Variants in KLF12 observed in about 807,000 individuals in gnomAD.
KLF12 encodes KLF transcription factor 12.
In KLF12, 9 loss-of-function variants were observed where a neutral mutation model predicts 37.8. The observed-to-expected ratio is 0.24, with a 90% CI of 0.14 to 0.42. The LOEUF is 0.42. Ranked by LOEUF, KLF12 falls within the 10% of genes least tolerant of loss-of-function variation. KLF12 has a pLI of 1.00. For synonymous variants in KLF12, 208 were observed against 202.1 expected (o/e 1.03, Z -0.25); for missense variants, 411 against 516.0 (o/e 0.80, Z 1.97).
At chr13:74,045,560 A>C (rs550723471) in intron 1 of KLF12, among the ~76,000 whole-genome samples, 70 of 152,178 alleles carry the variant, frequency 4.6e-4, no homozygotes, top group Non-Finnish European at 8.5e-4. Flanking sequence ...AGATCTGAAT[A>C]AAGTACAGTA....
chr13:74,305,671 G>A, the KLF12 span, among the ~76,000 whole-genome samples: 2 of 151,916 alleles, frequency 1.3e-5, no homozygotes, highest in East Asian at 1.9e-4. Flanking sequence ...TCGTCTCCCC[G>A]AAAATATCTC....
the KLF12 span, among the ~76,000 whole-genome samples, chr13:74,200,627 G>C: frequency 2.0e-5 from 3 of 152,038 alleles, no homozygotes; most frequent in African/African-American, 7.2e-5. Context: ...GACTCACTCA[G>C]ATCTTTCTGA....
At chr13:74,049,372 A>G (rs781305641) in intron 1 of KLF12, among the ~76,000 whole-genome samples, 5 of 152,204 alleles carry the variant, frequency 3.3e-5, no homozygotes, top group Non-Finnish European at 7.3e-5. Context: ...AAGCCTAAAG[A>G]CAGTTCCTGC....
At position 73,991,514 on chromosome 13, in the gene KLF12, C is replaced by T. The variant is rs577684314; in HGVS notation, c.33+3476G>A. Among the ~76,000 whole-genome samples, 5 of 152,272 alleles carry T rather than the reference C, an allele frequency of 3.3e-5. No homozygotes were observed. The South Asian group carries it at 1.0e-3, about 32-fold the overall frequency. On this transcript the variant is annotated intron_variant, in intron 2 of 7. Coordinates refer to ENST00000377669, the MANE Select transcript of KLF12 (RefSeq NM_007249.5). ...CTTTTAGAACTTGACAGTTTTAAAC[C>T]TTTTTCACAAGAATGTCCTTTTTTC...
chr13:73,723,988 C>G (rs1332640907), intron 6 of KLF12, among the ~76,000 whole-genome samples: 10 of 152,174 alleles, frequency 6.6e-5, no homozygotes, highest in African/African-American at 2.2e-4. Flanking sequence ...GTGGTGATTA[C>G]TCAAGGATCT....
chr13:74,043,217 A>G (rs571942977), intron 1 of KLF12, among the ~76,000 whole-genome samples: 2 of 152,232 alleles, frequency 1.3e-5, no homozygotes, highest in African/African-American at 4.8e-5. Context: ...AAATAAAGAC[A>G]GTAATCCTTT....
chr13:73,779,206 C>A (rs1227503579), intron 5 of KLF12, among the ~76,000 whole-genome samples: 1 of 152,048 alleles, frequency 6.6e-6, no homozygotes, highest in Non-Finnish European at 1.5e-5. Flanking sequence ...TTTGACCATG[C>A]CTTGGTTTAT....
chr13:74,213,023 C>T, the KLF12 span, among the ~76,000 whole-genome samples: 2 of 151,920 alleles, frequency 1.3e-5, no homozygotes, highest in African/African-American at 4.8e-5. Flanking sequence ...TCGTGTAGAA[C>T]ATTGTAGAAA....
At chr13:73,781,006 G>GCAA (rs1319539980) in intron 5 of KLF12, among the ~76,000 whole-genome samples, 1 of 152,188 alleles carries the variant, frequency 6.6e-6, no homozygotes, top group African/African-American at 2.4e-5. Context: ...CATGGACGCA[G>GCAA]CAACCCTCAC....
chr13:74,212,331 C>T, the KLF12 span, among the ~76,000 whole-genome samples: 3 of 152,098 alleles, frequency 2.0e-5, no homozygotes, highest in Non-Finnish European at 4.4e-5. Context: ...GCCAACTTTT[C>T]GGTGCACATA....
At chr13:74,073,976 A>G (rs1874422387) in intron 1 of KLF12, among the ~76,000 whole-genome samples, 1 of 152,240 alleles carries the variant, frequency 6.6e-6, no homozygotes, top group African/African-American at 2.4e-5. Flanking sequence ...TATTTTCAAT[A>G]GAAGCACTGC....
chr13:73,789,714 T>C (rs1197007261), intron 5 of KLF12, among the ~76,000 whole-genome samples: 1 of 151,184 alleles, frequency 6.6e-6, no homozygotes, highest in Non-Finnish European at 1.5e-5. Context: ...TCTCGCTCTG[T>C]CGCCCAGGCT....
chr13:74,249,345 C>CAT, the KLF12 span, among the ~76,000 whole-genome samples: 1 of 105,952 alleles, frequency 9.4e-6, no homozygotes, highest in African/African-American at 3.3e-5. Flanking sequence ...ATCACACACA[C>CAT]ACACACACAC....
chr13:74,085,717 G>A (rs1362921557), intron 1 of KLF12, among the ~76,000 whole-genome samples: 6 of 152,162 alleles, frequency 3.9e-5, no homozygotes, highest in African/African-American at 1.4e-4. Flanking sequence ...ACTTGATTGT[G>A]CACCAATTCC....
chr13:74,046,455 C>T (rs1327072743), intron 1 of KLF12, among the ~76,000 whole-genome samples: 2 of 151,876 alleles, frequency 1.3e-5, no homozygotes, highest in African/African-American at 4.8e-5. Flanking sequence ...ATATTATAGG[C>T]TTTCATTTTT....
chr13:74,195,601 T>C, the KLF12 span, among the ~76,000 whole-genome samples: 1 of 152,098 alleles, frequency 6.6e-6, no homozygotes, highest in South Asian at 2.1e-4. Context: ...AGGTTTTTTG[T>C]TTGTTTGTTT....
chr13:74,305,502 T>G, the KLF12 span, among the ~76,000 whole-genome samples: 1 of 152,076 alleles, frequency 6.6e-6, no homozygotes, highest in South Asian at 2.1e-4. Context: ...TGTGCTGTCT[T>G]ACTCTCTCTT....
intron 5 of KLF12, among the ~76,000 whole-genome samples, chr13:73,803,268 C>T (rs187807344): frequency 6.6e-6 from 1 of 152,306 alleles, no homozygotes; most frequent in East Asian, 1.9e-4. Flanking sequence ...TATAATGAAT[C>T]TTCTTCAGTT....
chr13:74,155,783 C>A, the KLF12 span, among the ~76,000 whole-genome samples: 1 of 152,182 alleles, frequency 6.6e-6, no homozygotes, highest in Non-Finnish European at 1.5e-5. Flanking sequence ...TATTCCCTTC[C>A]TTTCCTTTCT....
Sources: gnomAD v4.1 joint callset for allele counts (sites outside exome capture counted in the v4.1 genomes callset) on GRCh38, gnomAD v4.1.1 for gene constraint, MANE v1.5 for transcripts, NCBI Gene and HGNC (gene_info 2026-07-23, HGNC 2026-07-21) for gene names.